Variants in PIWIL2 observed in about 807,000 individuals in gnomAD.
The protein encoded by PIWIL2 is piwi like RNA-mediated gene silencing 2.
A neutral mutation model predicts 116.5 loss-of-function variants in PIWIL2; 81 were observed. The observed-to-expected ratio is 0.70, with a 90% CI of 0.58 to 0.84. PIWIL2 has a LOEUF of 0.84. Among genes scored for constraint, PIWIL2 ranks in the 40% least tolerant of loss-of-function variants. The pLI is 0.00. For missense variants in PIWIL2, 1,272 were observed against 1,212.3 expected (o/e 1.05, Z -0.73); for synonymous variants, 489 against 429.5 (o/e 1.14, Z -1.71).
intron 16 of PIWIL2, among the ~76,000 whole-genome samples, chr8:22,311,683 T>C (rs1012902749): frequency 1.2e-4 from 18 of 152,316 alleles, no homozygotes; most frequent in Non-Finnish European, 2.5e-4. Context: ...ATTACTCTGG[T>C]GATGAACTTG....
rs1232742791 is a variant in PIWIL2, at chr8:22,355,769, C to T, written c.*264C>T. On this transcript the variant is annotated 3_prime_UTR_variant, in exon 23 of 23. Transcript: ENST00000356766. Reference sequence around the variant, plus strand: ...CACTCTGCAGGTGGAGCGGGTGACTCTGGGGGACCATTAAGACCTCCAGAC... The same window carrying T: ...CACTCTGCAGGTGGAGCGGGTGACTTTGGGGGACCATTAAGACCTCCAGAC... The T allele has an allele frequency of 2.0e-5, 9 of 443,376 alleles. No individual in the cohort carries two copies. Among genetic ancestry groups the T allele is most frequent in the East Asian group, 4.1e-5 (1 of 24,106 alleles). The allele number at this position is 443,376 out of a possible 1,614,324, so 27.5% of individuals were successfully genotyped here.
At chr8:22,349,736 T>G (rs1431694600) in intron 20 of PIWIL2, among the ~76,000 whole-genome samples, 1 of 152,062 alleles carries the variant, frequency 6.6e-6, no homozygotes, top group African/African-American at 2.4e-5. Context: ...GAATAGAAAT[T>G]GGCAGGATCG....
At chr8:22,302,548 C>T (rs992714570) in intron 10 of PIWIL2, among the ~76,000 whole-genome samples, 10 of 152,142 alleles carry the variant, frequency 6.6e-5, no homozygotes, top group East Asian at 1.9e-4. Flanking sequence ...ATTTCTGTGG[C>T]GTGCGGCTGC....
At position 22,283,207 on chromosome 8, in the gene PIWIL2, G is replaced by T; in HGVS notation, c.599G>T (p.Arg200Leu). 4 of 1,614,010 alleles carry T rather than the reference G, an allele frequency of 2.5e-6. No homozygotes were observed. The highest frequency in any genetic ancestry group is 3.4e-6 in the Non-Finnish European group (4 of 1,179,980). The change falls in exon 5 of 23, where the codon CGC (arginine) becomes CTC (leucine). Residue 200 changes from arginine to leucine, a missense_variant. Transcript: ENST00000356766. ...LPQSPLHSPD[R>L]PLVLTVEHKE... ...CAGTCTCCCCTGCACTCTCCAGATC[G>T]CCCTCTGGTCCTGACTGTGGAACAC... is the stretch of plus-strand genomic sequence containing the variant.
rs898572306 is a variant in PIWIL2 at position 22,304,143 on chromosome 8, A to G, written c.1304A>G (p.Asn435Ser). The G allele has an allele frequency of 1.2e-5, 20 of 1,613,124 alleles. No individual in the cohort carries two copies. Among genetic ancestry groups the G allele is most frequent in the Non-Finnish European group, 1.4e-5 (16 of 1,179,212 alleles). Reference sequence around the variant, plus strand: ...TATCGTATTGATGATGTGGATTGGAATAAGACTCCAAAGGATAGCTTCACG... The same window carrying G: ...TATCGTATTGATGATGTGGATTGGAGTAAGACTCCAAAGGATAGCTTCACG... ...RTYRIDDVDW[N>S]KTPKDSFTMS... Residue 435 changes from asparagine (N) to serine (S), a missense_variant, in exon 11 of 23, where the codon AAT becomes AGT. Asn to Ser is a conservative substitution (Grantham distance 46). Coordinates refer to ENST00000356766, the MANE Select transcript of PIWIL2 (RefSeq NM_018068.5).
At chr8:22,283,386 G>A (rs1310674546) in intron 5 of PIWIL2, 146 bp downstream of exon 5, 1 of 641,196 alleles carries the variant, frequency 1.6e-6, no homozygotes, top group Non-Finnish European at 2.8e-6. Context: ...GCCAGTGGGA[G>A]ATTGACAAAG....
intron 7 of PIWIL2, among the ~76,000 whole-genome samples, chr8:22,288,097 G>C (rs1424771729): frequency 2.6e-5 from 4 of 152,118 alleles, no homozygotes; most frequent in African/African-American, 9.7e-5. Context: ...ACGAGATTGA[G>C]ACCATCCTGG....
At chr8:22,305,622 GCATTGTCTTAAC>G (rs1831158111) in intron 12 of PIWIL2, among the ~76,000 whole-genome samples, 1 of 152,096 alleles carries the variant, frequency 6.6e-6, no homozygotes. Flanking sequence ...GCAATAGGAG[GCATTGTCTTAAC>G]CATTGTCTTG....
intron 20 of PIWIL2, 103 bp from the exon 21 acceptor site, chr8:22,352,856 A>G: frequency 8.5e-7 from 1 of 1,180,076 alleles, no homozygotes; most frequent in Non-Finnish European, 1.2e-6. Flanking sequence ...CTGCAAAAGG[A>G]TCTGCCATGA....
intron 20 of PIWIL2, among the ~76,000 whole-genome samples, chr8:22,326,872 A>C (rs1831737107): frequency 1.3e-5 from 2 of 152,262 alleles, no homozygotes; most frequent in South Asian, 4.1e-4. Context: ...GTGAAATTAC[A>C]GGGTCATATA....
At chr8:22,287,970 A>G (rs1830667665) in intron 7 of PIWIL2, among the ~76,000 whole-genome samples, 1 of 152,162 alleles carries the variant, frequency 6.6e-6, no homozygotes, top group Non-Finnish European at 1.5e-5. Flanking sequence ...GAATGGTTGG[A>G]AGTCTGTGAC....
intron 21 of PIWIL2, 92 bp downstream of exon 21, chr8:22,353,304 G>A: frequency 8.9e-7 from 1 of 1,121,630 alleles, no homozygotes; most frequent in Non-Finnish European, 1.3e-6. Context: ...TTCCTGGAGA[G>A]TTGTGGACTA....
intron 18 of PIWIL2, among the ~76,000 whole-genome samples, chr8:22,315,351 T>C (rs1039010993): frequency 4.6e-5 from 7 of 152,224 alleles, no homozygotes; most frequent in Non-Finnish European, 1.0e-4. Context: ...ATTCTTGTTC[T>C]TGTCGCCCAG....
chr8:22,354,039 G>A (rs1285877272), intron 21 of PIWIL2, among the ~76,000 whole-genome samples: 1 of 152,078 alleles, frequency 6.6e-6, no homozygotes, highest in Non-Finnish European at 1.5e-5. Flanking sequence ...GCCTTCCAAA[G>A]TGCTAGGATT....
At chr8:22,281,356 G>C in intron 3 of PIWIL2, 21 bp from the exon 4 acceptor site, 1 of 1,602,436 alleles carries the variant, frequency 6.2e-7, no homozygotes, top group Non-Finnish European at 8.5e-7. Context: ...GTCATTGCTG[G>C]GGTTCGGTTC....
intron 16 of PIWIL2, among the ~76,000 whole-genome samples, chr8:22,313,495 T>C (rs1018515971): frequency 9.9e-5 from 15 of 152,244 alleles, no homozygotes; most frequent in African/African-American, 2.7e-4. Flanking sequence ...AAAACGCACC[T>C]GTTTGCTGTG....
intron 10 of PIWIL2, among the ~76,000 whole-genome samples, chr8:22,295,540 C>T (rs931625383): frequency 6.6e-6 from 1 of 152,110 alleles, no homozygotes; most frequent in Non-Finnish European, 1.5e-5. Flanking sequence ...GTGAGAAGGC[C>T]TGTGTCAGGC....
intron 16 of PIWIL2, among the ~76,000 whole-genome samples, chr8:22,313,610 C>G (rs1319874809): frequency 6.6e-6 from 1 of 152,198 alleles, no homozygotes; most frequent in Non-Finnish European, 1.5e-5. Flanking sequence ...TTACACCAAT[C>G]TTGATTTGGA....
At chr8:22,303,446 C>T (rs955308201) in intron 10 of PIWIL2, among the ~76,000 whole-genome samples, 1 of 152,166 alleles carries the variant, frequency 6.6e-6, no homozygotes. Context: ...GGATGGAGTG[C>T]AGTGATGCTA....
Sources: allele counts gnomAD v4.1 joint callset (sites outside exome capture counted in the v4.1 genomes callset), GRCh38; gene constraint gnomAD v4.1.1; transcripts MANE v1.5; gene names NCBI Gene and HGNC (gene_info 2026-07-23, HGNC 2026-07-21).